The following PCDHA2 variants were observed in gnomAD, a reference collection of about 807,000 sequenced individuals.
The protein encoded by PCDHA2 is protocadherin alpha-2.
A neutral mutation model predicts 66.0 loss-of-function variants in PCDHA2; 58 were observed. The ratio of observed to expected loss-of-function variants is 0.88; its 90% confidence interval spans 0.71 to 1.09. The LOEUF (loss-of-function observed/expected upper bound fraction) is 1.09. Among genes scored for constraint, PCDHA2 ranks in the 50% least tolerant of loss-of-function variants. The probability of loss-of-function intolerance (pLI) is 0.00; values close to 1 mark genes in which losing one functional copy is unlikely to be tolerated. For missense variants in PCDHA2, 1,267 were observed against 1,242.3 expected (o/e 1.02, Z -0.30); for synonymous variants, 634 against 554.0 (o/e 1.14, Z -2.03).
chr5:140,942,122 G>A (rs2093234713), intron 1 of PCDHA2, among the ~76,000 whole-genome samples: 1 of 152,064 alleles, frequency 6.6e-6, no homozygotes, highest in Non-Finnish European at 1.5e-5. Flanking sequence ...TTTATTAAAG[G>A]TGATATTTGT....
At chr5:141,001,975 G>T (rs900969211) in intron 3 of PCDHA2, among the ~76,000 whole-genome samples, 2 of 152,302 alleles carry the variant, frequency 1.3e-5, no homozygotes, top group Non-Finnish European at 2.9e-5. Flanking sequence ...GTCTCTGCGC[G>T]GAAAGCCTGG....
chr5:140,804,886 C>T, intron 1 of PCDHA2: 2 of 637,768 alleles, frequency 3.1e-6, no homozygotes, highest in South Asian at 5.7e-5. Flanking sequence ...TGACTCCTCT[C>T]CTTCCCCTCA....
chr5:140,918,633 A>G (rs2078785997), intron 1 of PCDHA2, among the ~76,000 whole-genome samples: 1 of 152,242 alleles, frequency 6.6e-6, no homozygotes, highest in Non-Finnish European at 1.5e-5. Flanking sequence ...CCCCAAATTC[A>G]TAAATTGAAA....
At chr5:140,870,371 T>C (rs1419353241) in intron 1 of PCDHA2, 52 of 1,613,894 alleles carry the variant, frequency 3.2e-5, no homozygotes, top group Non-Finnish European at 4.2e-5. Flanking sequence ...TATGAACTGG[T>C]GGTGACTGCG....
At chr5:140,968,044 A>C (rs959631573) in intron 1 of PCDHA2, 2 of 1,614,142 alleles carry the variant, frequency 1.2e-6, no homozygotes, top group Non-Finnish European at 1.7e-6. Context: ...TGAGCGGCCC[A>C]CTGGACCGAG....
At chr5:140,919,653 C>T (rs917457975) in intron 1 of PCDHA2, among the ~76,000 whole-genome samples, 1 of 152,158 alleles carries the variant, frequency 6.6e-6, no homozygotes, top group South Asian at 2.1e-4. Context: ...CTAGAGTTTA[C>T]CATATATATT....
chr5:140,835,534 AG>A, intron 1 of PCDHA2: 1 of 1,613,954 alleles, frequency 6.2e-7, no homozygotes, highest in Non-Finnish European at 8.5e-7. Flanking sequence ...GTCAACGGAC[AG>A]GTTACCTGCT....
In PCDHA2 at chr5:140,884,064, C is replaced by A. The variant is rs150717183; in HGVS notation, c.2388+86712C>A. On this transcript the variant is annotated intron_variant, in intron 1 of 3. Transcript: ENST00000526136. ...GTGGCGAAGGTGCGCGCGGTGGACGCCGATTCGGGCTACAATGCGTGGCTT... is the reference window on the plus strand; with the variant it reads ...GTGGCGAAGGTGCGCGCGGTGGACGACGATTCGGGCTACAATGCGTGGCTT... 2.3e-3 allele frequency: 3,707 copies of A among 1,613,502 alleles called. 15 individuals carry two copies. Among genetic ancestry groups the A allele is most frequent in the Middle Eastern group, 9.0e-3 (54 of 5,970 alleles).
chr5:140,851,414 T>G lies in PCDHA2; in HGVS notation c.2388+54062T>G, dbSNP rs1459113543. ...TCTATTATTTTAATAAGAAAGAAAC[T>G]TCCCCTAAACTTTAGAAAACAGTTG... On this transcript the variant is annotated intron_variant, in intron 1 of 3. Transcript: ENST00000526136. 11 of 961,418 alleles carry G rather than the reference T, an allele frequency of 1.1e-5. No individual in the cohort carries two copies. In the East Asian group the frequency reaches 1.2e-3, roughly 108 times the overall value. 59.6% of individuals were successfully genotyped at this position (961,418 alleles called of 1,614,324 possible). A position where few individuals can be genotyped will look rare whatever the true frequency, so the allele number is the denominator to read the frequency against.
chr5:140,996,135 C>T (rs2097713564), intron 3 of PCDHA2, among the ~76,000 whole-genome samples: 1 of 152,140 alleles, frequency 6.6e-6, no homozygotes, highest in Non-Finnish European at 1.5e-5. Flanking sequence ...AGAGGGTTCT[C>T]CCATTATCTT....
rs142074942 is a variant in PCDHA2, at chr5:140,842,421, C to T, written c.2388+45069C>T. Reference sequence around the variant, plus strand: ...GTACGTGAAGACGCTCAATTTGGTACTGTCATCGCCCTAATTAGCGTGAAC... The same window carrying T: ...GTACGTGAAGACGCTCAATTTGGTATTGTCATCGCCCTAATTAGCGTGAAC... On this transcript the variant is annotated intron_variant, in intron 1 of 3. Coordinates refer to ENST00000526136, the MANE Select transcript of PCDHA2 (RefSeq NM_018905.3). The T allele has an allele frequency of 2.6e-4, 427 of 1,613,464 alleles. 6 individuals carry two copies. In the African/African-American group the frequency reaches 2.7e-3, roughly 10 times the overall value.
At chr5:140,995,510 G>A (rs1554254709) in intron 3 of PCDHA2, among the ~76,000 whole-genome samples, 1 of 152,142 alleles carries the variant, frequency 6.6e-6, no homozygotes, top group African/African-American at 2.4e-5. Flanking sequence ...GTGGGTAACT[G>A]AAGCCTCAGA....
chr5:141,004,642 C>T (rs1470971220), intron 3 of PCDHA2, among the ~76,000 whole-genome samples: 1 of 152,120 alleles, frequency 6.6e-6, no homozygotes, highest in African/African-American at 2.4e-5. Context: ...GAAAAATTTC[C>T]ATTTTGGGCT....
intron 1 of PCDHA2, chr5:140,866,007 T>A (rs568957330): frequency 6.6e-6 from 1 of 152,272 alleles, no homozygotes; most frequent in East Asian, 1.9e-4. Context: ...TGTTAAGTGA[T>A]TTTTTTCTTG....
At chr5:140,842,868 A>T in intron 1 of PCDHA2, 1 of 1,593,968 alleles carries the variant, frequency 6.3e-7, no homozygotes, top group Non-Finnish European at 8.6e-7. Flanking sequence ...GAGAGCGGCA[A>T]GGTGTACGCG....
intron 1 of PCDHA2, chr5:140,871,603 T>C (rs919844711): frequency 6.2e-6 from 9 of 1,443,200 alleles, no homozygotes; most frequent in Admixed American, 5.5e-5. Flanking sequence ...AACCAGTGTT[T>C]TGAATATTGT....
chr5:140,830,986 C>T (rs1391216672), intron 1 of PCDHA2: 8 of 152,242 alleles, frequency 5.3e-5, no homozygotes, highest in Admixed American at 5.2e-4. Context: ...GAACTCTGAT[C>T]ATCATAGTTT....
rs1478449575 is a variant in PCDHA2 at position 141,010,392 on chromosome 5, G to A, written c.*455G>A. The stretch of plus-strand genomic sequence containing the variant: ...GCGAGTGCCAGATATTGGCTGAGAC[G>A]AGCCAGCTTAGACTAATTGGTACAA... On this transcript the variant is annotated 3_prime_UTR_variant, in exon 4 of 4. Transcript: ENST00000526136. The A allele has an allele frequency of 8.0e-6, 11 of 1,381,722 alleles. No individual in the cohort carries two copies. The highest frequency in any genetic ancestry group is 7.3e-5 in the African/African-American group (5 of 68,772). The allele number at this position is 1,381,722 out of a possible 1,614,324, so 85.6% of individuals were successfully genotyped here. A position where few individuals can be genotyped will look rare whatever the true frequency, so the allele number is the denominator to read the frequency against.
chr5:140,870,028 T>G, intron 1 of PCDHA2: 1 of 1,613,550 alleles, frequency 6.2e-7, no homozygotes, highest in Non-Finnish European at 8.5e-7. Context: ...AACTTTAGAT[T>G]ATGAAGAAAA....
Sources: allele counts gnomAD v4.1 joint callset (sites outside exome capture counted in the v4.1 genomes callset), GRCh38; gene constraint gnomAD v4.1.1; transcripts MANE v1.5; gene names NCBI Gene and HGNC (gene_info 2026-07-23, HGNC 2026-07-21).